Variants in DTNB observed in about 807,000 individuals in gnomAD.
DTNB encodes the protein DTN-B.
A neutral mutation model predicts 90.7 loss-of-function variants in DTNB; 63 were observed. The ratio of observed to expected loss-of-function variants is 0.69; its 90% CI spans 0.57 to 0.86. The LOEUF (loss-of-function observed/expected upper bound fraction) is 0.86, where lower values mean the gene tolerates loss of function less well. Among genes scored for constraint, DTNB ranks in the 40% least tolerant of loss-of-function variants. DTNB has a pLI of 0.00. For synonymous variants in DTNB, 277 were observed against 286.7 expected (o/e 0.97, Z 0.34); for missense variants, 744 against 807.1 (o/e 0.92, Z 0.95).
intron 16 of DTNB, among the ~76,000 whole-genome samples, chr2:25,417,558 G>A (rs1351357431): frequency 2.2e-4 from 33 of 152,212 alleles, no homozygotes. Flanking sequence ...GGTGTCGGGT[G>A]TTTCCAGTCT....
At chr2:25,477,613 T>C (rs1023318617) in intron 10 of DTNB, among the ~76,000 whole-genome samples, 4 of 152,172 alleles carry the variant, frequency 2.6e-5, no homozygotes, top group Admixed American at 6.5e-5. Flanking sequence ...CAAAACAGAA[T>C]AGAAATAATT....
intron 18 of DTNB, among the ~76,000 whole-genome samples, chr2:25,384,955 T>G (rs2039050139): frequency 6.6e-6 from 1 of 152,068 alleles, no homozygotes; most frequent in Non-Finnish European, 1.5e-5. Flanking sequence ...CTTGGCTCAC[T>G]GCAATCTCTG....
chr2:25,441,236 T>C (rs1364622750), intron 12 of DTNB, among the ~76,000 whole-genome samples: 7 of 152,192 alleles, frequency 4.6e-5, no homozygotes, highest in South Asian at 2.1e-4. Context: ...AAAAACCCAG[T>C]TGGGGCCATT....
intron 12 of DTNB, among the ~76,000 whole-genome samples, chr2:25,443,632 A>T (rs2057923088): frequency 6.6e-6 from 1 of 152,162 alleles, no homozygotes; most frequent in South Asian, 2.1e-4. Flanking sequence ...GCTGCCCTAG[A>T]CTACCCAGAG....
chr2:25,514,754 G>A (rs1010395082), intron 9 of DTNB, among the ~76,000 whole-genome samples: 8 of 142,662 alleles, frequency 5.6e-5, no homozygotes, highest in East Asian at 2.0e-4. Context: ...AGTGGCTCTC[G>A]GCTACTGAAA....
chr2:25,669,463 C>G lies in DTNB; in HGVS notation c.-2+3923G>C, dbSNP rs528310936. ...AACACCATGAGAGACAGAAAATTTTCTTAAACCAGATACACACCCAAAAAA... is the reference window on the plus strand; with the variant it reads ...AACACCATGAGAGACAGAAAATTTTGTTAAACCAGATACACACCCAAAAAA... On this transcript the variant is annotated intron_variant, in intron 1 of 20. Transcript: ENST00000406818. Among the ~76,000 whole-genome samples, 35 of 152,180 alleles carry G rather than the reference C, an allele frequency of 2.3e-4. 1 individual carries two copies. The Middle Eastern group carries it at 0.01, about 44-fold the overall frequency.
At chr2:25,408,693 T>G (rs1346611044) in intron 16 of DTNB, among the ~76,000 whole-genome samples, 1 of 151,888 alleles carries the variant, frequency 6.6e-6, no homozygotes, top group Non-Finnish European at 1.5e-5. Flanking sequence ...TGATTAGGAG[T>G]AAATGGAGAA....
chr2:25,533,401 CAT>C (rs751887889), intron 8 of DTNB, among the ~76,000 whole-genome samples: 24 of 152,270 alleles, frequency 1.6e-4, no homozygotes, highest in Admixed American at 3.3e-4. Context: ...TAAAACGAAA[CAT>C]AGAAATTCTC....
In DTNB at chr2:25,403,417, G is replaced by A. The variant is rs13383361; in HGVS notation, c.1576-15056C>T. Among the ~76,000 whole-genome samples the A allele has an allele frequency of 4.3e-3, 656 of 152,128 alleles. 4 individuals carry two copies. The highest frequency in any genetic ancestry group is 0.014 in the African/African-American group (584 of 41,506). ...AGGCATGAGCCACTGTGCCTGGCCC[G>A]TATCCCACTAGTCTTCACTGCAAGA... On this transcript the variant is annotated intron_variant, in intron 16 of 20. Transcript: ENST00000406818.
At chr2:25,548,448 T>G (rs1482777092) in intron 8 of DTNB, among the ~76,000 whole-genome samples, 1 of 152,134 alleles carries the variant, frequency 6.6e-6, no homozygotes, top group Non-Finnish European at 1.5e-5. Flanking sequence ...AATTTCCAAT[T>G]TTACTGCATT....
At chr2:25,463,197 ACCTGCTCTTC>A (rs1382443703) in intron 10 of DTNB, among the ~76,000 whole-genome samples, 9 of 151,968 alleles carry the variant, frequency 5.9e-5, no homozygotes, top group Non-Finnish European at 1.3e-4. Context: ...CCACCTCCTC[ACCTGCTCTTC>A]CCCAGACTGA....
At chr2:25,510,539 G>A (rs979154029) in intron 9 of DTNB, among the ~76,000 whole-genome samples, 4 of 150,522 alleles carry the variant, frequency 2.7e-5, no homozygotes, top group Non-Finnish European at 4.4e-5. Flanking sequence ...ATGGAGTCTC[G>A]CTCTATTGCC....
Position 25,628,031 on chromosome 2 carries a change from C to T in DTNB, c.362+140G>A, listed in dbSNP as rs569303276. The T allele has an allele frequency of 3.5e-5, 32 of 913,030 alleles. 1 individual carries two copies. In the South Asian group the frequency reaches 4.9e-4, roughly 14 times the overall value. 56.6% of individuals were successfully genotyped at this position (913,030 alleles called of 1,614,324 possible). On this transcript the variant is annotated intron_variant, in intron 4 of 20. Transcript: ENST00000406818. ...GACTACAGCTGTGAGCTACCGTGCCCAGCCAATAATTTCCCTTTTAATCAT... is the reference window on the plus strand; with the variant it reads ...GACTACAGCTGTGAGCTACCGTGCCTAGCCAATAATTTCCCTTTTAATCAT...
chr2:25,621,523 C>T (rs568670233), intron 4 of DTNB, among the ~76,000 whole-genome samples: 17 of 150,202 alleles, frequency 1.1e-4, no homozygotes, highest in Admixed American at 4.0e-4. Context: ...CTCAGCTCAC[C>T]GCAACTTCCG....
intron 5 of DTNB, among the ~76,000 whole-genome samples, chr2:25,606,347 C>T (rs2067100450): frequency 6.6e-6 from 1 of 152,174 alleles, no homozygotes; most frequent in Admixed American, 6.5e-5. Flanking sequence ...TGCTTTATGG[C>T]ACTCTGAACA....
intron 16 of DTNB, among the ~76,000 whole-genome samples, chr2:25,391,860 A>G (rs1305703326): frequency 6.6e-6 from 1 of 152,224 alleles, no homozygotes; most frequent in African/African-American, 2.4e-5. Context: ...AAATTTAAAA[A>G]TTCTTTGAAC....
intron 8 of DTNB, among the ~76,000 whole-genome samples, chr2:25,550,248 A>G (rs1224612183): frequency 1.3e-5 from 2 of 152,006 alleles, no homozygotes; most frequent in Admixed American, 6.6e-5. Flanking sequence ...AAAATAAGCC[A>G]GGCGTGGTGG....
chr2:25,476,102 CTT>C (rs2063702059), intron 10 of DTNB, among the ~76,000 whole-genome samples: 1 of 141,376 alleles, frequency 7.1e-6, no homozygotes, highest in African/African-American at 2.7e-5. Context: ...TAGTTTCGCT[CTT>C]GTCACCTAGG....
rs548633620 is a variant in DTNB, at chr2:25,454,788, G to A, written c.1169+617C>T. ...TGAGTCACTACCGCAGTAGTTTTCA[G>A]GGTAAGGGGAATGTGGAGCTATTAT... is the stretch of plus-strand genomic sequence containing the variant. On this transcript the variant is annotated intron_variant, in intron 11 of 20. Coordinates refer to ENST00000406818, the MANE Select transcript of DTNB (RefSeq NM_021907.5). Among the ~76,000 whole-genome samples the A allele has an allele frequency of 3.2e-4, 48 of 152,300 alleles. 1 individual carries two copies. The highest frequency in any genetic ancestry group is 9.9e-4 in the African/African-American group (41 of 41,566).
Sources: gnomAD v4.1 joint callset for allele counts (sites outside exome capture counted in the v4.1 genomes callset) on GRCh38, gnomAD v4.1.1 for gene constraint, MANE v1.5 for transcripts, NCBI Gene and HGNC (gene_info 2026-07-23, HGNC 2026-07-21) for gene names.